Variants in PCF11 observed in about 807,000 individuals in gnomAD.
PCF11 encodes PCF11 cleavage and polyadenylation factor subunit.
In PCF11, 19 loss-of-function variants were observed where a neutral mutation model predicts 166.1. That is an observed-to-expected ratio of 0.11 (90% CI 0.08 to 0.17). The LOEUF is 0.17. Ranked by LOEUF, PCF11 falls within the 10% of genes least tolerant of loss-of-function variation. The pLI is 1.00. For missense variants in PCF11, 1,565 were observed against 1,855.5 expected (o/e 0.84, Z 2.88); for synonymous variants, 663 against 644.1 (o/e 1.03, Z -0.44).
rs781263431 is a variant in PCF11 at position 83,184,682 on chromosome 11, T to C, written c.4456T>C (p.Ser1486Pro). The C allele has an allele frequency of 4.4e-6, 7 of 1,607,716 alleles. No individual in the cohort carries two copies. The highest frequency in any genetic ancestry group is 6.0e-6 in the Non-Finnish European group (7 of 1,176,326). ...CATAGGGCCTTTCATTTTGTAGACATCTTCATTTGATTGTACACCATCTCC... is the reference window on the plus strand; with the variant it reads ...CATAGGGCCTTTCATTTTGTAGACACCTTCATTTGATTGTACACCATCTCC... Residue 1486 changes from serine (S) to proline (P), a missense_variant, in exon 16 of 16, where the codon TCT becomes CCT. Physicochemically the swap from Ser to Pro is moderately conservative, Grantham distance 74. Around this residue, in one of 12 missense-constraint regions of PCF11, gnomAD observed 99 missense variants for 89.1 expected, o/e 1.11. Coordinates refer to ENST00000298281, the Ensembl canonical transcript of PCF11.
At chr11:83,182,103 T>G in intron 13 of PCF11, 94 bp downstream of exon 13, 1 of 1,003,108 alleles carries the variant, frequency 1.0e-6, no homozygotes, top group Non-Finnish European at 1.4e-6. Context: ...TTTATATCCC[T>G]GTTTTAATGA....
At chr11:83,186,216 C>CT in exon 16 of PCF11, 1 of 152,250 alleles carries the variant, frequency 6.6e-6, no homozygotes, top group Middle Eastern at 3.4e-3. Context: ...TGGAAGGTGG[C>CT]TAAGGAAGAT....
At chr11:83,173,471 C>T (rs1469598433) in intron 9 of PCF11, among the ~76,000 whole-genome samples, 3 of 147,440 alleles carry the variant, frequency 2.0e-5, no homozygotes, top group Non-Finnish European at 4.5e-5. Flanking sequence ...AAACCAAAAA[C>T]CAAAAAAAAA....
exon 16 of PCF11, chr11:83,184,895 A>C: frequency 6.5e-7 from 1 of 1,529,072 alleles, no homozygotes; most frequent in Middle Eastern, 1.7e-4. Flanking sequence ...GTCAGTTTAA[A>C]TAAAATGAGA....
chr11:83,166,787 G>A (rs990905440), intron 5 of PCF11, 73 bp downstream of exon 5: 2 of 1,366,580 alleles, frequency 1.5e-6, no homozygotes, highest in Non-Finnish European at 2.0e-6. Context: ...TTAAAAATTG[G>A]AAAATGTTTA....
At chr11:83,158,490 C>T (rs1294973555) in intron 1 of PCF11, 1 of 152,194 alleles carries the variant, frequency 6.6e-6, no homozygotes, top group African/African-American at 2.4e-5. Flanking sequence ...TTTTTCTTTA[C>T]CCCTTGACAG....
chr11:83,165,917 A>T lies in PCF11; in HGVS notation c.1020A>T (p.Ser340=), dbSNP rs767961053. ...CTATACCCTCTGAAAAACTAAATTC[A>T]TCCAAGCAAGAAAAAAGTAAATCAG... is the stretch of plus-strand genomic sequence containing the variant. The change falls in exon 5 of 16, where the codon TCA becomes TCT. Residue 340 remains serine (S), a synonymous_variant. Transcript: ENST00000298281. 40 of 1,608,520 alleles carry T rather than the reference A, an allele frequency of 2.5e-5. No homozygotes were observed. In the Admixed American group the frequency reaches 4.9e-4, roughly 20 times the overall value.
In PCF11 at chr11:83,167,097, A is replaced by G; in HGVS notation, c.1818-28A>G. The stretch of plus-strand genomic sequence containing the variant: ...GAGTATTTTTTAAAAAAACATTTCA[A>G]TGTAACATACTGCTTTTATGGTTTC... On this transcript the variant is annotated intron_variant, in intron 5 of 15. Coordinates refer to ENST00000298281, the Ensembl canonical transcript of PCF11. This position sits in a 1 kb window ranked among gnomAD's most constrained non-coding sequence, Gnocchi z 4.2. The G allele has an allele frequency of 6.5e-7, 1 of 1,547,786 alleles. No individual in the cohort carries two copies. The highest frequency in any genetic ancestry group is 1.4e-5 in the African/African-American group (1 of 73,070).
At chr11:83,173,572 T>C (rs994407598) in intron 9 of PCF11, among the ~76,000 whole-genome samples, 21 of 151,610 alleles carry the variant, frequency 1.4e-4, no homozygotes, top group African/African-American at 4.8e-4. Flanking sequence ...AAAAGTACTT[T>C]GTAACTTGTA....
At chr11:83,183,727 T>C (rs961320312) in intron 15 of PCF11, among the ~76,000 whole-genome samples, 1 of 151,808 alleles carries the variant, frequency 6.6e-6, no homozygotes, top group Admixed American at 6.6e-5. Context: ...TGACCTCAAG[T>C]GATCCACCCA....
chr11:83,183,164 T>C, intron 15 of PCF11, 91 bp downstream of exon 15: 1 of 717,190 alleles, frequency 1.4e-6, no homozygotes, highest in South Asian at 1.8e-5. Context: ...AATATTGTTA[T>C]TTTAAACTTA....
intron 8 of PCF11, 35 bp downstream of exon 8, chr11:83,170,030 G>A: frequency 6.7e-7 from 1 of 1,500,298 alleles, no homozygotes; most frequent in Non-Finnish European, 8.9e-7. Flanking sequence ...GTTGTATGCA[G>A]ATAAGTTAAC....
At chr11:83,177,046 C>A in intron 9 of PCF11, 39 bp from the exon 10 acceptor site, 1 of 1,401,856 alleles carries the variant, frequency 7.1e-7, no homozygotes, top group Non-Finnish European at 9.3e-7. Context: ...ACATTCACTT[C>A]AAAAGTGGTT....
intron 9 of PCF11, among the ~76,000 whole-genome samples, chr11:83,176,756 C>A (rs1860897716): frequency 6.6e-6 from 1 of 151,658 alleles, no homozygotes; most frequent in Non-Finnish European, 1.5e-5. Flanking sequence ...TTGATTGGTG[C>A]AGCAAATCAA....
exon 16 of PCF11, chr11:83,187,025 G>A (rs1334521062): frequency 6.6e-6 from 1 of 152,350 alleles, no homozygotes; most frequent in African/African-American, 2.4e-5. Flanking sequence ...AACCAGCAAT[G>A]GGAAAATTTT....
chr11:83,163,060 C>T (rs189205183), intron 2 of PCF11, among the ~76,000 whole-genome samples: 222 of 152,310 alleles, frequency 1.5e-3, no homozygotes, highest in African/African-American at 5.0e-3. Flanking sequence ...CGTGAGCCAC[C>T]GTGCCTGGCA....
At chr11:83,161,198 A>C in intron 1 of PCF11, 129 bp from the exon 2 acceptor site, 1 of 686,484 alleles carries the variant, frequency 1.5e-6, no homozygotes, top group Non-Finnish European at 2.3e-6. Flanking sequence ...TAAGTTTCAT[A>C]AAGATTACTT....
intron 1 of PCF11, among the ~76,000 whole-genome samples, chr11:83,159,052 T>C (rs944129438): frequency 6.6e-6 from 1 of 152,238 alleles, no homozygotes; most frequent in Non-Finnish European, 1.5e-5. Context: ...CGGTTTCAGG[T>C]GGTCCTTTCA....
chr11:83,170,843 A>G (rs1375291274), intron 8 of PCF11, among the ~76,000 whole-genome samples: 1 of 152,236 alleles, frequency 6.6e-6, no homozygotes, highest in African/African-American at 2.4e-5. Context: ...TTAAAAGTAC[A>G]TTAGGAACAT....
Sources: allele counts gnomAD v4.1 joint callset (sites outside exome capture counted in the v4.1 genomes callset), GRCh38; gene constraint gnomAD v4.1.1; regional missense constraint gnomAD v4.1.1; non-coding constraint Gnocchi (gnomAD v3.1); transcripts MANE v1.5; gene names NCBI Gene and HGNC (gene_info 2026-07-23, HGNC 2026-07-21).